The following PSD3 variants were observed in gnomAD, a reference collection of about 807,000 sequenced individuals.
PSD3 encodes pleckstrin and Sec7 domain containing 3.
Under a neutral mutation model 105.5 loss-of-function variants are expected in PSD3, and 49 were observed. The ratio of observed to expected loss-of-function variants is 0.46; its 90% CI spans 0.37 to 0.59. The LOEUF (loss-of-function observed/expected upper bound fraction) is 0.59, where lower values mean the gene tolerates loss of function less well. Among genes scored for constraint, PSD3 ranks in the 20% least tolerant of loss-of-function variants. PSD3 has a pLI of 0.00. For missense variants in PSD3, 1,561 were observed against 1,263.8 expected (o/e 1.24, Z -3.57); for synonymous variants, 557 against 457.8 (o/e 1.22, Z -2.77).
At chr8:18,903,533 A>C (rs1160637636) in intron 2 of PSD3, among the ~76,000 whole-genome samples, 1 of 152,150 alleles carries the variant, frequency 6.6e-6, no homozygotes. Context: ...GCTCCACGGA[A>C]GCAGGATACA....
At chr8:18,929,651 C>G (rs1037989782) in intron 2 of PSD3, among the ~76,000 whole-genome samples, 3 of 152,266 alleles carry the variant, frequency 2.0e-5, no homozygotes, top group East Asian at 3.9e-4. Flanking sequence ...GCAACTCCAC[C>G]TGTCTATATC....
At chr8:18,740,216 A>T (rs752052080) in intron 9 of PSD3, among the ~76,000 whole-genome samples, 25 of 152,156 alleles carry the variant, frequency 1.6e-4, no homozygotes, top group Non-Finnish European at 3.1e-4. Context: ...CTGGACGCTG[A>T]CACGGGTTCC....
At chr8:18,609,512 C>G (rs1167264114) in intron 11 of PSD3, among the ~76,000 whole-genome samples, 1 of 152,186 alleles carries the variant, frequency 6.6e-6, no homozygotes, top group Non-Finnish European at 1.5e-5. Context: ...GTAAAAAGCA[C>G]AAGGCATTTT....
rs1810454248 is a variant in PSD3 at position 18,799,114 on chromosome 8, T to C, written c.2082+181A>G. On this transcript the variant is annotated intron_variant, in intron 8 of 15. Coordinates refer to ENST00000327040, the MANE Select transcript of PSD3 (RefSeq NM_015310.4). ...CAGGACGATGGATTTAAAGTCATAC[T>C]CTGTGCTAGCATGTGAAATAAAAAA... 7.0e-6 allele frequency: 4 copies of C among 572,400 alleles called. No homozygotes were observed. In the East Asian group the frequency reaches 9.5e-5, roughly 14 times the overall value. The allele number at this position is 572,400 out of a possible 1,614,324, so 35.5% of individuals were successfully genotyped here.
chr8:18,907,059 T>A (rs1009353313), intron 2 of PSD3, among the ~76,000 whole-genome samples: 8 of 152,380 alleles, frequency 5.3e-5, no homozygotes, highest in African/African-American at 1.7e-4. Context: ...GTATTTTAAG[T>A]ATCATTACAA....
In PSD3 at chr8:18,913,848, C is replaced by T. The variant is rs377667716; in HGVS notation, c.130+22186G>A. ...CTTTAAGCACACCCCAATGCCAGGC[C>T]AGCCACTGCGAACTCAGGCTCCTAC... On this transcript the variant is annotated intron_variant, in intron 2 of 15. Transcript: ENST00000327040. Among the ~76,000 whole-genome samples, 136 of 152,188 alleles carry T rather than the reference C, an allele frequency of 8.9e-4. 1 individual carries two copies. The highest frequency in any genetic ancestry group is 2.8e-3 in the African/African-American group (117 of 41,522).
chr8:18,861,455 T>G (rs758796252), intron 4 of PSD3, among the ~76,000 whole-genome samples: 2 of 152,226 alleles, frequency 1.3e-5, no homozygotes, highest in Non-Finnish European at 2.9e-5. Flanking sequence ...TCCAGTGACC[T>G]TCAGTCCCAT....
At chr8:18,750,319 T>G (rs1213165111) in intron 9 of PSD3, among the ~76,000 whole-genome samples, 1 of 152,056 alleles carries the variant, frequency 6.6e-6, no homozygotes, top group Non-Finnish European at 1.5e-5. Flanking sequence ...CGTTTCTTCC[T>G]TCTGGTGGGT....
At chr8:18,563,030 T>C (rs1446946668) in intron 14 of PSD3, among the ~76,000 whole-genome samples, 2 of 152,252 alleles carry the variant, frequency 1.3e-5, no homozygotes, top group Non-Finnish European at 2.9e-5. Flanking sequence ...CTACGTCATA[T>C]GCTTAGCACA....
intron 12 of PSD3, among the ~76,000 whole-genome samples, chr8:18,584,520 G>A (rs1375184339): frequency 6.6e-6 from 1 of 152,174 alleles, no homozygotes; most frequent in African/African-American, 2.4e-5. Flanking sequence ...TTAAAAAATG[G>A]GAACAGTATC....
intron 1 of PSD3, among the ~76,000 whole-genome samples, chr8:18,957,818 G>C (rs1823672678): frequency 6.6e-6 from 1 of 152,134 alleles, no homozygotes; most frequent in African/African-American, 2.4e-5. Context: ...CTTGTGGGTG[G>C]GGTGAAGTGT....
intron 2 of PSD3, among the ~76,000 whole-genome samples, chr8:18,933,280 C>T (rs1586462658): frequency 6.6e-6 from 1 of 152,004 alleles, no homozygotes; most frequent in African/African-American, 2.4e-5. Context: ...TACTCAAAAC[C>T]CACGAGTAAG....
At chr8:18,555,065 G>A (rs1006507675) in intron 15 of PSD3, among the ~76,000 whole-genome samples, 2 of 152,064 alleles carry the variant, frequency 1.3e-5, no homozygotes, top group Non-Finnish European at 2.9e-5. Context: ...GGAGGTAACT[G>A]GGGGAGGGGA....
At chr8:18,934,766 CAAG>C (rs1260109613) in intron 2 of PSD3, among the ~76,000 whole-genome samples, 1 of 152,176 alleles carries the variant, frequency 6.6e-6, no homozygotes, top group Non-Finnish European at 1.5e-5. Flanking sequence ...GGTTCAAACT[CAAG>C]AAGTCTAGAT....
intron 9 of PSD3, among the ~76,000 whole-genome samples, chr8:18,723,627 C>T (rs549207195): frequency 3.3e-5 from 5 of 152,264 alleles, no homozygotes; most frequent in East Asian, 3.9e-4. Context: ...CCATCTCTCC[C>T]GAGGCCTTCC....
intron 8 of PSD3, among the ~76,000 whole-genome samples, chr8:18,772,682 G>T (rs535791258): frequency 6.6e-6 from 1 of 151,996 alleles, no homozygotes; most frequent in Non-Finnish European, 1.5e-5. Context: ...CTAATTTTTT[G>T]TATTTTTAGT....
intron 1 of PSD3, among the ~76,000 whole-genome samples, chr8:18,962,608 T>A (rs1823992761): frequency 6.6e-6 from 1 of 152,222 alleles, no homozygotes; most frequent in African/African-American, 2.4e-5. Flanking sequence ...GTTATTCCAA[T>A]TCACTATCAA....
intron 4 of PSD3, among the ~76,000 whole-genome samples, chr8:18,850,946 C>A (rs1260197981): frequency 1.3e-5 from 2 of 152,136 alleles, no homozygotes; most frequent in African/African-American, 2.4e-5. Flanking sequence ...GGTTCTTATG[C>A]ATACCAGGAG....
At chr8:18,839,005 T>C (rs1170240804) in intron 4 of PSD3, among the ~76,000 whole-genome samples, 1 of 151,616 alleles carries the variant, frequency 6.6e-6, no homozygotes, top group Admixed American at 6.6e-5. Context: ...ATCATACAAA[T>C]GGGATGACAG....
Sources: gnomAD v4.1 joint callset for allele counts (sites outside exome capture counted in the v4.1 genomes callset) on GRCh38, gnomAD v4.1.1 for gene constraint, MANE v1.5 for transcripts, NCBI Gene and HGNC (gene_info 2026-07-23, HGNC 2026-07-21) for gene names.